Variants in LDAH observed in about 807,000 individuals in gnomAD.
LDAH encodes lipid droplet associated hydrolase.
A neutral mutation model predicts 29.6 loss-of-function variants in LDAH; 26 were observed. The ratio of observed to expected loss-of-function variants is 0.88; its 90% CI spans 0.64 to 1.22. The LOEUF (loss-of-function observed/expected upper bound fraction) is 1.22. Ranked by LOEUF, LDAH falls within the 50% of genes most tolerant of loss-of-function variation. LDAH has a pLI of 0.00. For missense variants in LDAH, 344 were observed against 387.3 expected, an observed-to-expected ratio of 0.89 and a Z score of 0.94; for synonymous variants, 117 against 133.0, an observed-to-expected ratio of 0.88 and a Z score of 0.83.
chr2:20,767,507 G>A (rs909977821), intron 4 of LDAH, among the ~76,000 whole-genome samples: 3 of 152,244 alleles, frequency 2.0e-5, no homozygotes, highest in Non-Finnish European at 2.9e-5. Flanking sequence ...AGCATGAGGG[G>A]AAATTGAGGG....
At chr2:20,804,621 A>T (rs192923258) in intron 1 of LDAH, among the ~76,000 whole-genome samples, 22 of 152,264 alleles carry the variant, frequency 1.4e-4, no homozygotes, top group African/African-American at 4.8e-4. Context: ...CTTTTCTAAC[A>T]TTTCTAAAAT....
At chr2:20,696,942 T>C (rs564633125) in intron 6 of LDAH, among the ~76,000 whole-genome samples, 4 of 152,244 alleles carry the variant, frequency 2.6e-5, no homozygotes, top group African/African-American at 9.6e-5. Context: ...TTAAGCTGGG[T>C]TCCCTAATGA....
intron 1 of LDAH, among the ~76,000 whole-genome samples, chr2:20,822,188 C>G (rs1293490540): frequency 6.6e-6 from 1 of 151,508 alleles, no homozygotes; most frequent in Non-Finnish European, 1.5e-5. Flanking sequence ...GCAGTGGCGC[C>G]ATCTCGGCTC....
At chr2:20,699,875 A>G (rs952249406) in intron 6 of LDAH, among the ~76,000 whole-genome samples, 1 of 152,228 alleles carries the variant, frequency 6.6e-6, no homozygotes, top group Non-Finnish European at 1.5e-5. Context: ...TGGGACAGGA[A>G]TAAGTTAGCA....
At chr2:20,747,599 A>T (rs1024315563) in intron 4 of LDAH, among the ~76,000 whole-genome samples, 1 of 152,178 alleles carries the variant, frequency 6.6e-6, no homozygotes, top group Non-Finnish European at 1.5e-5. Flanking sequence ...CACTGGAAAC[A>T]CAAGCTTAGT....
At chr2:20,745,955 G>A (rs980986046) in intron 4 of LDAH, among the ~76,000 whole-genome samples, 3 of 152,110 alleles carry the variant, frequency 2.0e-5, no homozygotes, top group Non-Finnish European at 2.9e-5. Context: ...CAGTTAGGGG[G>A]TGAGCTAAGA....
chr2:20,772,772 A>G (rs892452645), intron 4 of LDAH, among the ~76,000 whole-genome samples: 3 of 152,178 alleles, frequency 2.0e-5, no homozygotes, highest in African/African-American at 7.2e-5. Context: ...CCGACACGTT[A>G]AAGAAGGTGG....
downstream of LDAH, among the ~76,000 whole-genome samples, chr2:20,682,643 A>G (rs550156375): frequency 6.6e-6 from 1 of 152,348 alleles, no homozygotes; most frequent in East Asian, 1.9e-4. Flanking sequence ...TCAAACTTGC[A>G]GCCTAATATT....
chr2:20,740,504 T>TC (rs1667100206), intron 4 of LDAH, among the ~76,000 whole-genome samples: 1 of 152,160 alleles, frequency 6.6e-6, no homozygotes, highest in African/African-American at 2.4e-5. Flanking sequence ...AGAGAGGGTC[T>TC]CCCTGTGTTG....
chr2:20,746,596 G>A (rs1190430712), intron 4 of LDAH, among the ~76,000 whole-genome samples: 1 of 151,854 alleles, frequency 6.6e-6, no homozygotes. Context: ...ACTTTTCCTA[G>A]ATATTGTAAT....
At chr2:20,730,649 G>T (rs1040414410) in intron 5 of LDAH, among the ~76,000 whole-genome samples, 1 of 152,156 alleles carries the variant, frequency 6.6e-6, no homozygotes, top group Non-Finnish European at 1.5e-5. Context: ...CTCATTTAGA[G>T]TTAACCTTTT....
chr2:20,738,548 A>C (rs898665298), intron 5 of LDAH, among the ~76,000 whole-genome samples: 2 of 152,072 alleles, frequency 1.3e-5, no homozygotes, highest in African/African-American at 4.8e-5. Context: ...ACCCTCTCTT[A>C]GGGTCTGGAT....
At chr2:20,726,183 G>C (rs138462770) in intron 5 of LDAH, among the ~76,000 whole-genome samples, 87 of 152,330 alleles carry the variant, frequency 5.7e-4, no homozygotes, top group African/African-American at 2.0e-3. Flanking sequence ...TCTGGTACTT[G>C]AGTGGGGGAG....
chr2:20,803,475 T>C lies in LDAH; in HGVS notation c.-2-2010A>G, dbSNP rs547466293. Among the ~76,000 whole-genome samples, 3 of 152,342 alleles carry C rather than the reference T, an allele frequency of 2.0e-5. No individual in the cohort carries two copies. The South Asian group carries it at 6.2e-4, about 32-fold the overall frequency. On this transcript the variant is annotated intron_variant, in intron 1 of 6. Transcript: ENST00000237822. ...CCCCAAGCTGTAAACAGCAGTGCTC[T>C]AGATTGCTACACAGGGAGGCCTCTC...
intron 6 of LDAH, among the ~76,000 whole-genome samples, chr2:20,689,484 C>A (rs757542335): frequency 6.6e-6 from 1 of 152,212 alleles, no homozygotes; most frequent in Non-Finnish European, 1.5e-5. Context: ...ATGCTGCAAC[C>A]TCACAACCAG....
At chr2:20,736,695 C>T (rs1572510672) in intron 5 of LDAH, among the ~76,000 whole-genome samples, 1 of 152,100 alleles carries the variant, frequency 6.6e-6, no homozygotes, top group South Asian at 2.1e-4. Flanking sequence ...CTCTCTGTAC[C>T]ATGAAGGATG....
At chr2:20,725,980 T>C (rs960553796) in intron 5 of LDAH, among the ~76,000 whole-genome samples, 1 of 152,250 alleles carries the variant, frequency 6.6e-6, no homozygotes, top group Non-Finnish European at 1.5e-5. Context: ...ACCTCTGGAC[T>C]GCCTATGCCT....
At chr2:20,726,530 T>C (rs1666025622) in intron 5 of LDAH, among the ~76,000 whole-genome samples, 1 of 152,190 alleles carries the variant, frequency 6.6e-6, no homozygotes, top group African/African-American at 2.4e-5. Flanking sequence ...CCAGATAGTC[T>C]TAGAAACCCA....
chr2:20,813,592 T>C (rs2125150924), intron 1 of LDAH, among the ~76,000 whole-genome samples: 1 of 152,336 alleles, frequency 6.6e-6, no homozygotes, highest in African/African-American at 2.4e-5. Context: ...CCAGTGCTTT[T>C]GTTTTTATAG....
Sources: allele counts gnomAD v4.1 joint callset (sites outside exome capture counted in the v4.1 genomes callset), GRCh38; gene constraint gnomAD v4.1.1; transcripts MANE v1.5; gene names NCBI Gene and HGNC (gene_info 2026-07-23, HGNC 2026-07-21).